Variants in ZMYM2 observed in about 807,000 individuals in gnomAD.
ZMYM2 encodes the protein zinc finger MYM-type containing 2.
ZMYM2 carries 56 observed loss-of-function variants against 162.8 expected under a neutral mutation model. The observed-to-expected ratio is 0.34, with a 90% CI of 0.28 to 0.43. The LOEUF (loss-of-function observed/expected upper bound fraction) is 0.43, where lower values mean the gene tolerates loss of function less well. Among genes scored for constraint, ZMYM2 ranks in the 20% least tolerant of loss-of-function variants. The probability of loss-of-function intolerance (pLI) is 1.00; values close to 1 mark genes in which losing one functional copy is unlikely to be tolerated. For synonymous variants in ZMYM2, 510 were observed against 541.6 expected, an observed-to-expected ratio of 0.94 and a Z score of 0.81; for missense variants, 1,275 against 1,621.8, an observed-to-expected ratio of 0.79 and a Z score of 3.67.
intron 6 of ZMYM2, among the ~76,000 whole-genome samples, chr13:20,014,915 C>A (rs1951496226): frequency 6.6e-6 from 1 of 151,876 alleles, no homozygotes; most frequent in African/African-American, 2.4e-5. Flanking sequence ...CAGGCATGTG[C>A]CACCACACCT....
the ZMYM2 span, among the ~76,000 whole-genome samples, chr13:19,931,905 G>A: frequency 6.6e-6 from 1 of 152,148 alleles, no homozygotes; most frequent in African/African-American, 2.4e-5. Context: ...GATTACAGTC[G>A]TAAGCCACTA....
chr13:20,062,709 G>A (rs1368602633), intron 17 of ZMYM2, 137 bp from the exon 18 acceptor site: 2 of 815,756 alleles, frequency 2.5e-6, no homozygotes. Flanking sequence ...TATATAATAT[G>A]CCCTTTTCTT....
At chr13:20,035,873 TA>T (rs755563618) in intron 11 of ZMYM2, among the ~76,000 whole-genome samples, 7 of 152,172 alleles carry the variant, frequency 4.6e-5, no homozygotes, top group Non-Finnish European at 1.0e-4. Context: ...AGGTAAATTT[TA>T]AAGAATATTT....
At chr13:19,968,988 TAAAG>T (rs931563680) in intron 2 of ZMYM2, among the ~76,000 whole-genome samples, 4 of 152,216 alleles carry the variant, frequency 2.6e-5, no homozygotes, top group African/African-American at 9.6e-5. Flanking sequence ...GGACACTTCT[TAAAG>T]AATATTTTGG....
chr13:20,061,374 G>C (rs762096281), intron 17 of ZMYM2, 150 bp downstream of exon 17: 80 of 805,166 alleles, frequency 9.9e-5, no homozygotes, highest in Admixed American at 4.5e-4. Flanking sequence ...TATATTAAGA[G>C]ATCTACACTG....
chr13:19,947,451 C>CTTTTTTT, the ZMYM2 span, among the ~76,000 whole-genome samples: 1 of 130,054 alleles, frequency 7.7e-6, no homozygotes, highest in Non-Finnish European at 1.7e-5. Flanking sequence ...TCTTCTTCGT[C>CTTTTTTT]TTTTTTTTTT....
the ZMYM2 span, among the ~76,000 whole-genome samples, chr13:19,901,403 A>G: frequency 6.6e-6 from 1 of 152,220 alleles, no homozygotes; most frequent in Non-Finnish European, 1.5e-5. Flanking sequence ...ATGAATTGAT[A>G]AGCAAAATGT....
chr13:19,913,878 T>C, the ZMYM2 span, among the ~76,000 whole-genome samples: 1 of 152,174 alleles, frequency 6.6e-6, no homozygotes, highest in Non-Finnish European at 1.5e-5. Flanking sequence ...TCTATGTTGA[T>C]AGAGGAAGGG....
intron 3 of ZMYM2, among the ~76,000 whole-genome samples, chr13:19,999,653 T>G (rs1007794054): frequency 6.6e-6 from 1 of 152,248 alleles, no homozygotes; most frequent in African/African-American, 2.4e-5. Flanking sequence ...TAGACCTGTT[T>G]AGGCTTAGTG....
chr13:20,012,440 A>C (rs921377009), intron 6 of ZMYM2, among the ~76,000 whole-genome samples: 1 of 152,032 alleles, frequency 6.6e-6, no homozygotes, highest in Non-Finnish European at 1.5e-5. Context: ...TCAGCCTCTC[A>C]AAGTGCTGGG....
At chr13:20,050,455 A>G (rs1162897090) in intron 12 of ZMYM2, among the ~76,000 whole-genome samples, 1 of 152,018 alleles carries the variant, frequency 6.6e-6, no homozygotes, top group Middle Eastern at 3.2e-3. Flanking sequence ...AAAATACTTA[A>G]CAGTTATTAC....
At chr13:19,866,482 AT>A in the ZMYM2 span, among the ~76,000 whole-genome samples, 1 of 151,862 alleles carries the variant, frequency 6.6e-6, no homozygotes, top group Non-Finnish European at 1.5e-5. Context: ...CTTGACCAAC[AT>A]GGCGAAACCC....
chr13:19,871,581 C>G, the ZMYM2 span, among the ~76,000 whole-genome samples: 4 of 152,014 alleles, frequency 2.6e-5, no homozygotes, highest in African/African-American at 4.8e-5. Flanking sequence ...AAACTGCATG[C>G]ACCTTACATA....
intron 12 of ZMYM2, among the ~76,000 whole-genome samples, chr13:20,044,624 G>T (rs1208512381): frequency 6.6e-6 from 1 of 152,094 alleles, no homozygotes; most frequent in Non-Finnish European, 1.5e-5. Flanking sequence ...TTTCTTCCTA[G>T]ATAAGAAAAT....
At position 20,011,578 on chromosome 13, in the gene ZMYM2, A is replaced by AT. The variant is rs60172206; in HGVS notation, c.1512+5006dup. Among the ~76,000 whole-genome samples the AT allele has an allele frequency of 2.0e-3, 262 of 128,830 alleles. 2 individuals carry two copies. The highest frequency in any genetic ancestry group is 4.4e-3 in the Middle Eastern group (1 of 228). 84.5% of individuals were successfully genotyped at this position (128,830 alleles called of 152,430 possible). A position where few individuals can be genotyped will look rare whatever the true frequency, so the allele number is the denominator to read the frequency against. On this transcript the variant is annotated intron_variant, in intron 6 of 24. Coordinates refer to ENST00000610343, the MANE Select transcript of ZMYM2 (RefSeq NM_197968.4). The stretch of plus-strand genomic sequence containing the variant: ...GCAGAAGTTTTTATTTTTTTGTTTT[A>AT]TTTTTTTTTTTTTTGAGGGGTGAAG...
chr13:19,988,610 C>T lies in ZMYM2; in HGVS notation c.-10-4453C>T, dbSNP rs77599544. 1.5e-3 allele frequency among the ~76,000 whole-genome samples: 235 copies of T among 152,120 alleles called. 5 individuals are homozygous for T. In the East Asian group the frequency reaches 0.024, roughly 15 times the overall value. On this transcript the variant is annotated intron_variant, in intron 2 of 24. Transcript: ENST00000610343. ...CATCCTGGCCAACGTGGTGAAACCC[C>T]GTCTCTACTGAAAACACAAAAAATT...
chr13:20,015,352 TGA>T (rs1214656272), intron 6 of ZMYM2, among the ~76,000 whole-genome samples: 1 of 152,246 alleles, frequency 6.6e-6, no homozygotes, highest in Non-Finnish European at 1.5e-5. Context: ...AAAAATTTAT[TGA>T]GACTTTTTTG....
At chr13:20,029,625 T>C (rs1375741705) in intron 9 of ZMYM2, among the ~76,000 whole-genome samples, 1 of 152,212 alleles carries the variant, frequency 6.6e-6, no homozygotes, top group Non-Finnish European at 1.5e-5. Context: ...CTCCTTCCGC[T>C]GTACATTGAA....
chr13:19,940,593 C>G, the ZMYM2 span, among the ~76,000 whole-genome samples: 1 of 152,196 alleles, frequency 6.6e-6, no homozygotes, highest in African/African-American at 2.4e-5. Flanking sequence ...TCAAACAACT[C>G]TCTAAAATCT....
Sources: gnomAD v4.1 joint callset for allele counts (sites outside exome capture counted in the v4.1 genomes callset) on GRCh38, gnomAD v4.1.1 for gene constraint, MANE v1.5 for transcripts, NCBI Gene and HGNC (gene_info 2026-07-23, HGNC 2026-07-21) for gene names.